Variants in CNTNAP2 observed in about 807,000 individuals in gnomAD.
The protein encoded by CNTNAP2 is contactin associated protein 2, also known as contactin-associated protein-like 2.
In CNTNAP2, 98 loss-of-function variants were observed where a neutral mutation model predicts 155.2. That is an observed-to-expected ratio of 0.63 (90% CI 0.54 to 0.75). CNTNAP2 has a LOEUF of 0.75. CNTNAP2 is among the 30% of genes least tolerant of loss of function. CNTNAP2 has a pLI of 0.00. For synonymous variants in CNTNAP2, 651 were observed against 631.2 expected (o/e 1.03, Z -0.47); for missense variants, 1,727 against 1,688.1 (o/e 1.02, Z -0.40).
At chr7:147,067,440 G>A (rs1799803273) in intron 4 of CNTNAP2, among the ~76,000 whole-genome samples, 3 of 152,064 alleles carry the variant, frequency 2.0e-5, no homozygotes. Context: ...ACCAACATTT[G>A]GGCAATGAGG....
At chr7:146,485,345 C>T (rs1036623428) in intron 1 of CNTNAP2, among the ~76,000 whole-genome samples, 1 of 152,176 alleles carries the variant, frequency 6.6e-6, no homozygotes, top group Non-Finnish European at 1.5e-5. Context: ...GTGCTATGTC[C>T]TGTGTACTTA....
At chr7:146,983,461 G>T (rs1471389816) in intron 3 of CNTNAP2, among the ~76,000 whole-genome samples, 37 of 152,118 alleles carry the variant, frequency 2.4e-4, no homozygotes, top group Admixed American at 2.4e-3. Context: ...GGCAATTATT[G>T]ATGTGAAGCA....
At chr7:146,561,879 T>TC (rs1406543763) in intron 1 of CNTNAP2, among the ~76,000 whole-genome samples, 3 of 151,884 alleles carry the variant, frequency 2.0e-5, no homozygotes, top group Non-Finnish European at 4.4e-5. Context: ...AGCATCAACC[T>TC]CCCCGGGCTC....
chr7:147,985,335 T>G (rs1366947567), intron 15 of CNTNAP2, among the ~76,000 whole-genome samples: 2 of 151,464 alleles, frequency 1.3e-5, no homozygotes, highest in Non-Finnish European at 2.9e-5. Flanking sequence ...GTTCTCCACA[T>G]GTACATGTTA....
chr7:146,972,886 C>T (rs1005694711), intron 3 of CNTNAP2, among the ~76,000 whole-genome samples: 5 of 152,180 alleles, frequency 3.3e-5, no homozygotes, highest in African/African-American at 7.2e-5. Context: ...ACACCTCAGT[C>T]AGAGGCACTA....
intron 4 of CNTNAP2, among the ~76,000 whole-genome samples, chr7:147,077,924 A>G (rs998618992): frequency 6.6e-6 from 1 of 152,198 alleles, no homozygotes; most frequent in South Asian, 2.1e-4. Flanking sequence ...TAGACAGAAC[A>G]TATCACTTTA....
chr7:146,295,869 C>A (rs1800506487), intron 1 of CNTNAP2, among the ~76,000 whole-genome samples: 1 of 140,400 alleles, frequency 7.1e-6, no homozygotes, highest in African/African-American at 2.9e-5. Context: ...AGTGAGACTC[C>A]ATCTCAAAAA....
At chr7:147,300,453 A>C (rs1307716065) in intron 9 of CNTNAP2, among the ~76,000 whole-genome samples, 163 bp downstream of exon 9, 2 of 152,172 alleles carry the variant, frequency 1.3e-5, no homozygotes, top group Non-Finnish European at 2.9e-5. Context: ...GAAAAGGAAA[A>C]ATTTTATTTC....
At chr7:146,556,956 G>A (rs1247717079) in intron 1 of CNTNAP2, among the ~76,000 whole-genome samples, 1 of 151,988 alleles carries the variant, frequency 6.6e-6, no homozygotes, top group East Asian at 1.9e-4. Flanking sequence ...AGATTATTCT[G>A]GTTGATTAAA....
intron 1 of CNTNAP2, among the ~76,000 whole-genome samples, chr7:146,539,877 A>G (rs921063813): frequency 4.6e-5 from 7 of 152,160 alleles, no homozygotes; most frequent in Admixed American, 1.3e-4. Flanking sequence ...TTCCTAAAAG[A>G]AAAACAAAAC....
chr7:148,419,066 T>A lies in CNTNAP2; in HGVS notation c.*3450T>A, dbSNP rs1463201912. Reference sequence around the variant, plus strand: ...CAGGTTGTGTCAAGAAGCTTTTCTTTCCTTCTATGATGGAATCTGTTCTTT... The same window carrying A: ...CAGGTTGTGTCAAGAAGCTTTTCTTACCTTCTATGATGGAATCTGTTCTTT... On this transcript the variant is annotated 3_prime_UTR_variant, in exon 24 of 24. Coordinates refer to ENST00000361727, the MANE Select transcript of CNTNAP2 (RefSeq NM_014141.6). 4 of 152,276 alleles carry A rather than the reference T, an allele frequency of 2.6e-5. No homozygotes were observed. The highest frequency in any genetic ancestry group is 2.6e-4 in the Admixed American group (4 of 15,288). 9.4% of individuals were successfully genotyped at this position (152,276 alleles called of 1,614,324 possible).
At chr7:146,374,873 C>A (rs1795284690) in intron 1 of CNTNAP2, among the ~76,000 whole-genome samples, 1 of 152,032 alleles carries the variant, frequency 6.6e-6, no homozygotes, top group African/African-American at 2.4e-5. Context: ...GAATGTGCAA[C>A]TACAGAATTT....
intron 16 of CNTNAP2, among the ~76,000 whole-genome samples, chr7:148,124,765 T>C (rs937264913): frequency 2.0e-5 from 3 of 152,204 alleles, no homozygotes; most frequent in Non-Finnish European, 2.9e-5. Flanking sequence ...CGAATCCAGA[T>C]ATGGTGCATT....
chr7:147,049,063 C>G (rs1799421009), intron 4 of CNTNAP2, among the ~76,000 whole-genome samples: 2 of 152,174 alleles, frequency 1.3e-5, no homozygotes, highest in South Asian at 4.1e-4. Context: ...AGCTCAAGGT[C>G]AAGGGACCTG....
At position 148,300,068 on chromosome 7, in the gene CNTNAP2, T is replaced by C. The variant is rs555338441; in HGVS notation, c.3475+32942T>C. Among the ~76,000 whole-genome samples the C allele has an allele frequency of 3.9e-5, 6 of 152,284 alleles. No individual in the cohort carries two copies. The South Asian group carries it at 6.2e-4, about 16-fold the overall frequency. ...GATAACGGATTTTCAAGGACACACATCTACAGAGAAAGGGCGTATGGAAAT... is the reference window on the plus strand; with the variant it reads ...GATAACGGATTTTCAAGGACACACACCTACAGAGAAAGGGCGTATGGAAAT... On this transcript the variant is annotated intron_variant, in intron 21 of 23. Coordinates refer to ENST00000361727, the MANE Select transcript of CNTNAP2 (RefSeq NM_014141.6).
chr7:146,302,386 T>C (rs1800627099), intron 1 of CNTNAP2, among the ~76,000 whole-genome samples: 1 of 152,154 alleles, frequency 6.6e-6, no homozygotes, highest in Non-Finnish European at 1.5e-5. Flanking sequence ...ATATGTGATC[T>C]TTCATTCACT....
At chr7:148,327,402 G>C (rs12704009) in intron 21 of CNTNAP2, among the ~76,000 whole-genome samples, 48,034 of 152,104 alleles carry the variant, frequency 0.32, 8,271 homozygotes, top group Non-Finnish European at 0.4. Flanking sequence ...GCCTCCTCTT[G>C]GCATGCTCCC....
chr7:147,852,110 G>T (rs190583097), intron 13 of CNTNAP2, among the ~76,000 whole-genome samples: 1 of 152,058 alleles, frequency 6.6e-6, no homozygotes, highest in Non-Finnish European at 1.5e-5. Context: ...TGTGAAGAGA[G>T]GTATGCACAA....
At chr7:147,511,666 C>T (rs1292117157) in intron 11 of CNTNAP2, among the ~76,000 whole-genome samples, 2 of 151,944 alleles carry the variant, frequency 1.3e-5, no homozygotes, top group Admixed American at 6.6e-5. Flanking sequence ...CCCATAGCTC[C>T]CCAAAGTGCT....
Sources: allele counts gnomAD v4.1 joint callset (sites outside exome capture counted in the v4.1 genomes callset), GRCh38; gene constraint gnomAD v4.1.1; transcripts MANE v1.5; gene names NCBI Gene and HGNC (gene_info 2026-07-23, HGNC 2026-07-21).